AGMO: variants seen among roughly 807,000 people sequenced by gnomAD.
AGMO encodes alkylglycerol monooxygenase, also known as glyceryl-ether monooxygenase.
AGMO carries 75 observed loss-of-function variants against 60.2 expected under a neutral mutation model. The ratio of observed to expected loss-of-function variants is 1.25; its 90% CI spans 1.03 to 1.51. AGMO has a LOEUF of 1.51. AGMO is among the 40% of genes most tolerant of loss of function. The probability of loss-of-function intolerance (pLI) is 0.00; values close to 1 mark genes in which losing one functional copy is unlikely to be tolerated. For missense variants in AGMO, 763 were observed against 525.5 expected, an observed-to-expected ratio of 1.45 and a Z score of -4.42; for synonymous variants, 261 against 177.1, an observed-to-expected ratio of 1.47 and a Z score of -3.76.
At chr7:15,210,098 G>A (rs756333061) in intron 12 of AGMO, among the ~76,000 whole-genome samples, 5 of 152,026 alleles carry the variant, frequency 3.3e-5, no homozygotes, top group African/African-American at 1.2e-4. Context: ...CTGGGAAGGA[G>A]CTCAAATGAT....
chr7:15,191,984 C>T, the AGMO span, among the ~76,000 whole-genome samples: 1,431 of 151,658 alleles, frequency 9.4e-3, 16 homozygotes, highest in African/African-American at 0.033. Context: ...CACACACACA[C>T]ACACACACAC....
the AGMO span, among the ~76,000 whole-genome samples, chr7:15,139,499 T>G: frequency 6.6e-6 from 1 of 152,098 alleles, no homozygotes; most frequent in East Asian, 1.9e-4. Flanking sequence ...TTTGTCCTAC[T>G]TCTCTCCCTC....
At chr7:15,498,256 T>G (rs1478416462) in intron 3 of AGMO, among the ~76,000 whole-genome samples, 1 of 151,980 alleles carries the variant, frequency 6.6e-6, no homozygotes, top group Non-Finnish European at 1.5e-5. Flanking sequence ...TTGCTAAACT[T>G]TTTCATCTAG....
chr7:15,438,205 T>C (rs1781453868), intron 3 of AGMO, among the ~76,000 whole-genome samples: 1 of 151,948 alleles, frequency 6.6e-6, no homozygotes, highest in African/African-American at 2.4e-5. Context: ...GGGCTTATTG[T>C]CATTTGAATA....
At chr7:15,517,698 C>G (rs1341950518) in intron 3 of AGMO, among the ~76,000 whole-genome samples, 1 of 152,086 alleles carries the variant, frequency 6.6e-6, no homozygotes, top group Admixed American at 6.5e-5. Flanking sequence ...TGGGTGCCTA[C>G]ACTACCAGGG....
chr7:15,278,691 C>T (rs994956427), intron 12 of AGMO, among the ~76,000 whole-genome samples: 33 of 152,158 alleles, frequency 2.2e-4, no homozygotes, highest in South Asian at 1.0e-3. Flanking sequence ...TAGTAGATTT[C>T]GCTGTCCAGA....
At chr7:15,292,630 A>T (rs1784301086) in intron 12 of AGMO, among the ~76,000 whole-genome samples, 1 of 152,066 alleles carries the variant, frequency 6.6e-6, no homozygotes, top group Admixed American at 6.6e-5. Flanking sequence ...TGGGAGAAGG[A>T]GAAAAGCTCC....
At chr7:15,395,842 T>C (rs1489037336) in intron 5 of AGMO, among the ~76,000 whole-genome samples, 1 of 152,216 alleles carries the variant, frequency 6.6e-6, no homozygotes, top group Admixed American at 6.5e-5. Flanking sequence ...GTTTGTTTTT[T>C]GACAACCTCT....
chr7:15,501,719 C>T lies in AGMO; in HGVS notation c.409+43053G>A, dbSNP rs187283408. 5.1e-4 allele frequency among the ~76,000 whole-genome samples: 78 copies of T among 151,926 alleles called. 1 individual carries two copies. The highest frequency in any genetic ancestry group is 1.9e-3 in the East Asian group (10 of 5,158). ...AGGCCTAGGACATTAATTCTAGTAA[C>T]AAATTGAGTACAATTGAACAAGAAA... On this transcript the variant is annotated intron_variant, in intron 3 of 12. Transcript: ENST00000342526.
At chr7:15,284,282 G>A (rs1784044252) in intron 12 of AGMO, among the ~76,000 whole-genome samples, 1 of 151,918 alleles carries the variant, frequency 6.6e-6, no homozygotes, top group South Asian at 2.1e-4. Context: ...AAACATCAAT[G>A]AAACATAAAG....
intron 12 of AGMO, among the ~76,000 whole-genome samples, chr7:15,260,077 C>T (rs1486012729): frequency 1.3e-5 from 2 of 150,954 alleles, no homozygotes; most frequent in African/African-American, 2.4e-5. Flanking sequence ...TAGAATAATA[C>T]CTCACATCTG....
chr7:15,215,919 G>T (rs140828328), intron 12 of AGMO, among the ~76,000 whole-genome samples: 12 of 152,032 alleles, frequency 7.9e-5, no homozygotes, highest in African/African-American at 2.7e-4. Context: ...TTACATCATG[G>T]TGATACATTT....
intron 3 of AGMO, among the ~76,000 whole-genome samples, chr7:15,506,413 A>C (rs1783513318): frequency 6.6e-6 from 1 of 152,034 alleles, no homozygotes; most frequent in African/African-American, 2.4e-5. Flanking sequence ...TAAACAGTAC[A>C]GCACTTGCCC....
the AGMO span, among the ~76,000 whole-genome samples, chr7:15,192,907 C>T: frequency 6.6e-6 from 1 of 152,256 alleles, no homozygotes; most frequent in South Asian, 2.1e-4. Flanking sequence ...AAAAAACCTT[C>T]ACACTAATCA....
intron 12 of AGMO, among the ~76,000 whole-genome samples, chr7:15,305,656 A>C (rs1482798857): frequency 6.6e-6 from 1 of 152,024 alleles, no homozygotes; most frequent in Non-Finnish European, 1.5e-5. Flanking sequence ...TATCTGATCT[A>C]GAATTTGTAA....
intron 3 of AGMO, among the ~76,000 whole-genome samples, chr7:15,504,774 T>C (rs1783467994): frequency 7.0e-6 from 1 of 143,650 alleles, no homozygotes; most frequent in African/African-American, 2.9e-5. Flanking sequence ...CTTTTCTAGT[T>C]AAAATAAAAA....
At chr7:15,374,601 T>C (rs1054783321) in intron 10 of AGMO, among the ~76,000 whole-genome samples, 4 of 123,338 alleles carry the variant, frequency 3.2e-5, no homozygotes, top group African/African-American at 5.5e-5. Context: ...AAACAAACAA[T>C]AGCAATATAT....
intron 3 of AGMO, among the ~76,000 whole-genome samples, chr7:15,542,276 G>A (rs954303158): frequency 2.0e-5 from 3 of 152,110 alleles, no homozygotes; most frequent in African/African-American, 7.2e-5. Context: ...ATAGCCTGAA[G>A]GTTGTGAATG....
intron 12 of AGMO, among the ~76,000 whole-genome samples, chr7:15,275,785 A>G (rs777992662): frequency 5.3e-5 from 8 of 152,118 alleles, no homozygotes; most frequent in Admixed American, 2.0e-4. Context: ...TTATCATTAT[A>G]TGATGCTTTT....
Sources: gnomAD v4.1 joint callset for allele counts (sites outside exome capture counted in the v4.1 genomes callset) on GRCh38, gnomAD v4.1.1 for gene constraint, MANE v1.5 for transcripts, NCBI Gene and HGNC (gene_info 2026-07-23, HGNC 2026-07-21) for gene names.